Variants in WDR44 observed in about 807,000 individuals in gnomAD.
WDR44 encodes the protein WD repeat-containing protein 44.
Under a neutral mutation model 65.7 loss-of-function variants are expected in WDR44, and 9 were observed. That is an observed-to-expected ratio of 0.14 (90% CI 0.08 to 0.24). The LOEUF is 0.24. Among genes scored for constraint, WDR44 ranks in the 10% least tolerant of loss-of-function variants. The probability of loss-of-function intolerance (pLI) is 1.00; values close to 1 mark genes in which losing one functional copy is unlikely to be tolerated. For missense variants in WDR44, 425 were observed against 670.9 expected, an observed-to-expected ratio of 0.63 and a Z score of 4.05; for synonymous variants, 220 against 235.2, an observed-to-expected ratio of 0.94 and a Z score of 0.59.
At chrX:118,352,234 G>A (rs753084092) in intron 1 of WDR44, among the ~76,000 whole-genome samples, 3 of 90,639 alleles carry the variant, frequency 3.3e-5, no homozygotes, top group South Asian at 5.4e-4. Flanking sequence ...CTGCAGCCTC[G>A]ACCTCCCCAG....
At chrX:118,385,335 G>A (rs1350975270) in intron 2 of WDR44, among the ~76,000 whole-genome samples, 2 of 112,174 alleles carry the variant, frequency 1.8e-5, no homozygotes, top group African/African-American at 6.5e-5. Context: ...AAAAAAGAAC[G>A]AGATCATGTC....
intron 3 of WDR44, among the ~76,000 whole-genome samples, chrX:118,390,603 C>A (rs923431845): frequency 2.7e-5 from 3 of 111,169 alleles, no homozygotes; most frequent in Non-Finnish European, 5.7e-5. Flanking sequence ...GTGGCACAGA[C>A]ATTTCCATTA....
intron 1 of WDR44, among the ~76,000 whole-genome samples, chrX:118,373,021 G>A (rs2056627941): frequency 9.0e-6 from 1 of 110,822 alleles, no homozygotes; most frequent in African/African-American, 3.3e-5. Flanking sequence ...CCTGGGAGGC[G>A]GGGGTTGCAG....
intron 14 of WDR44, among the ~76,000 whole-genome samples, chrX:118,439,028 C>A (rs1028720371): frequency 9.3e-6 from 1 of 107,476 alleles, no homozygotes; most frequent in African/African-American, 3.4e-5. Flanking sequence ...TCAAGTGATC[C>A]GCCTGCCTCA....
chrX:118,388,178 C>T (rs1389541912), intron 3 of WDR44, among the ~76,000 whole-genome samples: 15 of 112,137 alleles, frequency 1.3e-4, no homozygotes, highest in African/African-American at 4.5e-4. Context: ...CCAATTATGA[C>T]AACCAAATAT....
At position 118,346,341 on chromosome X, in the gene WDR44, C is replaced by G; in HGVS notation, c.-163C>G. ...CCGAAGCCCGGCAACTGAGGGCGGC[C>G]CCCTTTCCTTAACAGTCTCCTCGCT... is the stretch of plus-strand genomic sequence containing the variant. On this transcript the variant is annotated 5_prime_UTR_variant, in exon 1 of 20. Transcript: ENST00000254029. The G allele has an allele frequency of 2.2e-6, 1 of 450,021 alleles. No homozygotes were observed. The allele number at this position is 450,021 out of a possible 1,213,427, so 37.1% of individuals were successfully genotyped here. A position where few individuals can be genotyped will look rare whatever the true frequency, so the allele number is the denominator to read the frequency against.
At position 118,443,555 on chromosome X, in the gene WDR44, T is replaced by C. The variant is rs1340370375; in HGVS notation, c.2385-5T>C. The C allele has an allele frequency of 1.7e-6, 2 of 1,207,948 alleles. No homozygotes were observed. The highest frequency in any genetic ancestry group is 2.2e-6 in the Non-Finnish European group (2 of 893,291). ...ATTTGCTTTTCCTTTCTCCCCAAAA[T>C]TCAGCCATGATTTTACTTACCTCGT... On this transcript the variant is annotated splice_region_variant and splice_polypyrimidine_tract_variant and intron_variant, in intron 17 of 19. Transcript: ENST00000254029.
chrX:118,440,616 G>GC (rs1398277740), intron 14 of WDR44, among the ~76,000 whole-genome samples: 5 of 110,255 alleles, frequency 4.5e-5, no homozygotes, highest in Admixed American at 9.8e-5. Context: ...CCGTAAACAC[G>GC]CCCCCCCAAA....
At chrX:118,424,323 G>GTATATATATATATATATATATATATATA (rs1171699587) in intron 12 of WDR44, among the ~76,000 whole-genome samples, 1 of 65,554 alleles carries the variant, frequency 1.5e-5, no homozygotes, top group African/African-American at 9.9e-5. Context: ...GTGTGTGTGT[G>GTATATATATATATATATATATATATATA]TATATATATA....
chrX:118,377,723 CT>C (rs1189608732), intron 1 of WDR44, among the ~76,000 whole-genome samples: 169 of 78,733 alleles, frequency 2.1e-3, no homozygotes, highest in East Asian at 3.3e-3. Context: ...TCTTCTCTCT[CT>C]TTTTTTTTTT....
At chrX:118,358,619 C>T (rs1041535215) in intron 1 of WDR44, among the ~76,000 whole-genome samples, 6 of 111,734 alleles carry the variant, frequency 5.4e-5, no homozygotes, top group Admixed American at 9.5e-5. Context: ...GCAGGGGAAT[C>T]GCTTGAACCC....
chrX:118,421,485 C>G (rs2057104533), intron 12 of WDR44, among the ~76,000 whole-genome samples: 1 of 112,051 alleles, frequency 8.9e-6, no homozygotes, highest in Admixed American at 9.5e-5. Context: ...GAGTTTGACA[C>G]CAGAAATTAT....
chrX:118,426,503 A>G (rs2057158007), intron 12 of WDR44, among the ~76,000 whole-genome samples: 1 of 111,109 alleles, frequency 9.0e-6, no homozygotes, highest in African/African-American at 3.3e-5. Context: ...GGAGTTCAAG[A>G]CCAGCCCAGG....
intron 19 of WDR44, among the ~76,000 whole-genome samples, chrX:118,444,739 A>G (rs975111254): frequency 5.4e-5 from 6 of 110,831 alleles, no homozygotes; most frequent in Middle Eastern, 4.6e-3. Flanking sequence ...AGCTGGGACT[A>G]TGGGCCTACA....
intron 12 of WDR44, among the ~76,000 whole-genome samples, chrX:118,421,881 C>T (rs369486738): frequency 9.0e-6 from 1 of 111,519 alleles, no homozygotes; most frequent in Admixed American, 9.6e-5. Flanking sequence ...TTTGCAGAGA[C>T]TGTTAGACCT....
intron 12 of WDR44, among the ~76,000 whole-genome samples, chrX:118,424,323 G>GTATATATATATATATA (rs1171699587): frequency 4.6e-5 from 3 of 65,548 alleles, no homozygotes; most frequent in East Asian, 4.6e-4. Context: ...GTGTGTGTGT[G>GTATATATATATATATA]TATATATATA....
chrX:118,352,352 A>ATATTT lies in WDR44; in HGVS notation c.77+5773_77+5774insATTTT, dbSNP rs1357425730. 3.5e-4 allele frequency among the ~76,000 whole-genome samples: 5 copies of ATATTT among 14,226 alleles called. 1 individual carries two copies. Among genetic ancestry groups the ATATTT allele is most frequent in the African/African-American group, 1.9e-3 (5 of 2,697 alleles). 12.4% of individuals were successfully genotyped at this position (14,226 alleles called of 115,157 possible). A position where few individuals can be genotyped will look rare whatever the true frequency, so the allele number is the denominator to read the frequency against. ...TATATATATATATATATATATATATATTTTTTTTTTTTTTTTTTTTTGTAG... is the reference window on the plus strand; with the variant it reads ...TATATATATATATATATATATATATATATTTTTTTTTTTTTTTTTTTTTTTTGTAG... On this transcript the variant is annotated intron_variant, in intron 1 of 19. Transcript: ENST00000254029.
intron 2 of WDR44, among the ~76,000 whole-genome samples, chrX:118,380,532 A>G (rs773968081): frequency 5.4e-4 from 60 of 112,060 alleles, no homozygotes; most frequent in Non-Finnish European, 8.6e-4. Context: ...TGTTGTCTGT[A>G]TCAATGGTTT....
At chrX:118,423,499 G>A (rs973072159) in intron 12 of WDR44, among the ~76,000 whole-genome samples, 1 of 111,626 alleles carries the variant, frequency 9.0e-6, no homozygotes, top group Non-Finnish European at 1.9e-5. Context: ...ACTTTATTGA[G>A]GTATGATTGG....
Sources: gnomAD v4.1 joint callset for allele counts (sites outside exome capture counted in the v4.1 genomes callset) on GRCh38, gnomAD v4.1.1 for gene constraint, MANE v1.5 for transcripts, NCBI Gene and HGNC (gene_info 2026-07-23, HGNC 2026-07-21) for gene names.